CNTNAP5: variants seen among roughly 807,000 people sequenced by gnomAD.
CNTNAP5 encodes contactin associated protein family member 5.
A neutral mutation model predicts 150.2 loss-of-function variants in CNTNAP5; 72 were observed. The observed-to-expected ratio is 0.48, with a 90% CI of 0.40 to 0.58. The LOEUF is 0.58. Ranked by LOEUF, CNTNAP5 falls within the 20% of genes least tolerant of loss-of-function variation. CNTNAP5 has a pLI of 0.00. For missense variants in CNTNAP5, 1,636 were observed against 1,626.2 expected, an observed-to-expected ratio of 1.01 and a Z score of -0.10; for synonymous variants, 672 against 619.8, an observed-to-expected ratio of 1.08 and a Z score of -1.25.
chr2:124,625,443 C>T (rs1677700896), intron 12 of CNTNAP5, among the ~76,000 whole-genome samples: 1 of 152,160 alleles, frequency 6.6e-6, no homozygotes, highest in South Asian at 2.1e-4. Flanking sequence ...ATACTTACTA[C>T]AGTATACATA....
intron 3 of CNTNAP5, among the ~76,000 whole-genome samples, chr2:124,263,290 C>T (rs1047948078): frequency 4.6e-5 from 7 of 152,152 alleles, no homozygotes; most frequent in African/African-American, 1.7e-4. Context: ...TCCTATTTCT[C>T]CACATCCTCT....
At chr2:124,046,504 C>A (rs1194934504) in intron 1 of CNTNAP5, among the ~76,000 whole-genome samples, 1 of 150,308 alleles carries the variant, frequency 6.7e-6, no homozygotes, top group Non-Finnish European at 1.5e-5. Flanking sequence ...AGCCACCTGA[C>A]AACAGCCGCC....
chr2:124,854,980 A>G (rs1256889300), intron 19 of CNTNAP5, among the ~76,000 whole-genome samples: 2 of 152,150 alleles, frequency 1.3e-5, no homozygotes, highest in Non-Finnish European at 2.9e-5. Context: ...AGAGAAACAA[A>G]ATAAAACAAA....
Position 124,911,475 on chromosome 2 carries a change from G to A in CNTNAP5, c.3664G>A (p.Gly1222Arg). 6.3e-7 allele frequency: 1 copy of A among 1,597,290 alleles called. No homozygotes were observed. The highest frequency in any genetic ancestry group is 8.5e-7 in the Non-Finnish European group (1 of 1,171,124). ...TTVHSSSDPF[G>R]KTDEREPLTN... ...TCTTTTACTCCTTTCAGATCCTTTT[G>A]GGAAGACAGATGAGCGGGAACCACT... The change falls in exon 23 of 24, where the codon GGG becomes AGG. Residue 1222 changes from glycine to arginine, a missense_variant. Transcript: ENST00000682447.
intron 1 of CNTNAP5, among the ~76,000 whole-genome samples, chr2:124,091,166 A>T (rs916512431): frequency 2.0e-5 from 3 of 152,092 alleles, no homozygotes; most frequent in Non-Finnish European, 2.9e-5. Context: ...AACAAATAAG[A>T]CCTCACCTGG....
rs376318760 is a variant in CNTNAP5, at chr2:124,417,662, A to C, written c.529+72A>C. On this transcript the variant is annotated intron_variant, in intron 4 of 23. Coordinates refer to ENST00000682447, the MANE Select transcript of CNTNAP5 (RefSeq NM_001367498.1). Reference sequence around the variant, plus strand: ...CCGCCTACGTAACATCAGTTTATCTACATTGAGATTGACAATCATCTTATT... The same window carrying C: ...CCGCCTACGTAACATCAGTTTATCTCCATTGAGATTGACAATCATCTTATT... 1.9e-5 allele frequency: 26 copies of C among 1,360,194 alleles called. No homozygotes were observed. In the African/African-American group the frequency reaches 3.5e-4, roughly 18 times the overall value. 84.3% of individuals were successfully genotyped at this position (1,360,194 alleles called of 1,614,324 possible). A position where few individuals can be genotyped will look rare whatever the true frequency, so the allele number is the denominator to read the frequency against.
chr2:124,091,988 G>A (rs1036468752), intron 1 of CNTNAP5, among the ~76,000 whole-genome samples: 1 of 152,122 alleles, frequency 6.6e-6, no homozygotes, highest in Non-Finnish European at 1.5e-5. Flanking sequence ...TCTTTGTGTC[G>A]ATCTGGGCTG....
chr2:124,408,550 C>T (rs1691657231), intron 3 of CNTNAP5, among the ~76,000 whole-genome samples: 1 of 151,916 alleles, frequency 6.6e-6, no homozygotes, highest in African/African-American at 2.4e-5. Context: ...AACGGGCAGA[C>T]TGCCTCCTCA....
intron 13 of CNTNAP5, among the ~76,000 whole-genome samples, chr2:124,694,102 C>A (rs1044566457): frequency 6.6e-5 from 10 of 152,140 alleles, no homozygotes; most frequent in Admixed American, 2.0e-4. Context: ...GCTCCATGAC[C>A]TCCCACTTCT....
intron 14 of CNTNAP5, 143 bp from the exon 15 acceptor site, chr2:124,763,529 G>A (rs1681001228): frequency 1.3e-5 from 9 of 672,916 alleles, no homozygotes; most frequent in South Asian, 4.0e-5. Flanking sequence ...ACACTTAGGC[G>A]ATGAAAGGCC....
intron 1 of CNTNAP5, among the ~76,000 whole-genome samples, chr2:124,166,532 C>A (rs890478416): frequency 6.6e-6 from 1 of 152,170 alleles, no homozygotes; most frequent in Non-Finnish European, 1.5e-5. Flanking sequence ...GTAGATCATT[C>A]AGCTACTTAT....
intron 19 of CNTNAP5, among the ~76,000 whole-genome samples, chr2:124,859,901 G>C (rs1353231186): frequency 6.6e-6 from 1 of 152,114 alleles, no homozygotes; most frequent in African/African-American, 2.4e-5. Context: ...ATACACTGGG[G>C]CCTGTGGTGG....
chr2:124,609,833 C>A lies in CNTNAP5; in HGVS notation c.1789C>A (p.His597Asn), dbSNP rs1487093401. ...CGAGCAATCCTGCGAGGTGTACAGG[C>A]ACCAGGGGAATACAGCCGGCTTCTT... is the stretch of plus-strand genomic sequence containing the variant. Reference protein sequence around the residue: ...IYEQSCEVYRHQGNTAGFFYI... With the variant: ...IYEQSCEVYRNQGNTAGFFYI... Residue 597 changes from histidine to asparagine, a missense_variant, in exon 12 of 24, where the codon CAC becomes AAC. By Grantham distance (68) the His-to-Asn change is moderately conservative. Transcript: ENST00000682447. 1 of 1,613,954 alleles carries A rather than the reference C, an allele frequency of 6.2e-7. No homozygotes were observed. Among genetic ancestry groups the A allele is most frequent in the Non-Finnish European group, 8.5e-7 (1 of 1,179,874 alleles).
At chr2:124,816,281 G>C (rs1392172790) in intron 19 of CNTNAP5, among the ~76,000 whole-genome samples, 2 of 152,086 alleles carry the variant, frequency 1.3e-5, no homozygotes, top group Non-Finnish European at 1.5e-5. Context: ...CAAGGTATCA[G>C]CTGGGATGTG....
chr2:124,278,808 A>T (rs1687948098), intron 3 of CNTNAP5, among the ~76,000 whole-genome samples: 1 of 152,052 alleles, frequency 6.6e-6, no homozygotes, highest in Non-Finnish European at 1.5e-5. Flanking sequence ...TCCTTTTCCA[A>T]TCCTTATTCT....
At chr2:124,562,321 A>C (rs954380897) in intron 10 of CNTNAP5, among the ~76,000 whole-genome samples, 1 of 150,266 alleles carries the variant, frequency 6.7e-6, no homozygotes, top group Non-Finnish European at 1.5e-5. Context: ...TGTTATAATC[A>C]TGTTTGTTAT....
intron 1 of CNTNAP5, among the ~76,000 whole-genome samples, chr2:124,178,907 GTTAT>G (rs199781615): frequency 0.53 from 74,499 of 140,836 alleles, 19,892 homozygotes; most frequent in Non-Finnish European, 0.54. Context: ...ATTTTTATTT[GTTAT>G]TTATTTATTT....
chr2:124,648,209 C>T (rs947530124), intron 13 of CNTNAP5, among the ~76,000 whole-genome samples: 1 of 152,140 alleles, frequency 6.6e-6, no homozygotes, highest in East Asian at 1.9e-4. Flanking sequence ...CAACACCCAC[C>T]CTGCAACAGT....
At chr2:124,717,296 A>G (rs1679964674) in intron 13 of CNTNAP5, among the ~76,000 whole-genome samples, 1 of 152,154 alleles carries the variant, frequency 6.6e-6, no homozygotes, top group Non-Finnish European at 1.5e-5. Context: ...CACCCTATGA[A>G]CGGTTTTCAT....
Sources: gnomAD v4.1 joint callset for allele counts (sites outside exome capture counted in the v4.1 genomes callset) on GRCh38, gnomAD v4.1.1 for gene constraint, MANE v1.5 for transcripts, NCBI Gene and HGNC (gene_info 2026-07-23, HGNC 2026-07-21) for gene names.